Variants in TLN2 observed in about 807,000 individuals in gnomAD.
TLN2 encodes talin-2.
Under a neutral mutation model 294.7 loss-of-function variants are expected in TLN2, and 118 were observed. The ratio of observed to expected loss-of-function variants is 0.40; its 90% confidence interval spans 0.34 to 0.47. TLN2 has a LOEUF of 0.47. Among genes scored for constraint, TLN2 ranks in the 20% least tolerant of loss-of-function variants. The pLI is 0.84. For missense variants in TLN2, 3,083 were observed against 3,282.2 expected (o/e 0.94, Z 1.48); for synonymous variants, 1,431 against 1,304.5 (o/e 1.10, Z -2.09).
chr15:62,516,785 G>A (rs748787277), intron 1 of TLN2, among the ~76,000 whole-genome samples: 2 of 152,170 alleles, frequency 1.3e-5, no homozygotes, highest in Non-Finnish European at 1.5e-5. Context: ...GCTTTGCCTC[G>A]TATCATTTTG....
intron 1 of TLN2, among the ~76,000 whole-genome samples, chr15:62,426,857 C>T (rs1442293822): frequency 6.6e-6 from 1 of 152,164 alleles, no homozygotes; most frequent in African/African-American, 2.4e-5. Context: ...CTGGGAGCAG[C>T]TGTGTCAGAA....
chr15:62,619,359 C>A (rs1263194338), intron 3 of TLN2, among the ~76,000 whole-genome samples: 1 of 152,176 alleles, frequency 6.6e-6, no homozygotes, highest in Non-Finnish European at 1.5e-5. Flanking sequence ...GAGGAGCTGG[C>A]CCACATGCTC....
intron 1 of TLN2, among the ~76,000 whole-genome samples, chr15:62,569,713 G>A (rs1044927550): frequency 2.0e-5 from 3 of 152,356 alleles, no homozygotes; most frequent in East Asian, 1.9e-4. Context: ...AACAGAAGTT[G>A]GGTAGCACGT....
chr15:62,834,699 A>G (rs1227364207), intron 55 of TLN2: 5 of 152,210 alleles, frequency 3.3e-5, no homozygotes, highest in African/African-American at 1.2e-4. Flanking sequence ...AGCCAGCGGA[A>G]TGCCAACCTT....
intron 28 of TLN2, among the ~76,000 whole-genome samples, chr15:62,729,385 A>G (rs142313787): frequency 6.6e-6 from 1 of 152,232 alleles, no homozygotes; most frequent in Non-Finnish European, 1.5e-5. Context: ...ATAATAATAA[A>G]AAATACTGTT....
At chr15:62,692,631 C>A (rs1256392789) in intron 12 of TLN2, among the ~76,000 whole-genome samples, 4 of 152,100 alleles carry the variant, frequency 2.6e-5, no homozygotes, top group African/African-American at 7.2e-5. Flanking sequence ...AAGTTCTGAG[C>A]CCCCCAGCCA....
chr15:62,744,404 A>ATTTTTTTTTTTTTTT (rs71131126), intron 32 of TLN2, among the ~76,000 whole-genome samples: 1 of 125,058 alleles, frequency 8.0e-6, no homozygotes, highest in Non-Finnish European at 1.7e-5. Context: ...GTTATTTTTA[A>ATTTTTTTTTTTTTTT]TTTTTTTTTT....
chr15:62,541,254 G>A (rs2041666997), intron 1 of TLN2, among the ~76,000 whole-genome samples: 3 of 152,028 alleles, frequency 2.0e-5, no homozygotes, highest in South Asian at 2.1e-4. Flanking sequence ...GAATAATAGC[G>A]TCATGGATTT....
At chr15:62,572,187 G>T (rs1478794989) in intron 1 of TLN2, among the ~76,000 whole-genome samples, 1 of 152,048 alleles carries the variant, frequency 6.6e-6, no homozygotes, top group Non-Finnish European at 1.5e-5. Context: ...TTGCTTGACA[G>T]TTCCTCCCCC....
intron 57 of TLN2, among the ~76,000 whole-genome samples, chr15:62,838,322 C>G (rs994851492): frequency 2.0e-5 from 3 of 152,230 alleles, no homozygotes; most frequent in Non-Finnish European, 4.4e-5. Flanking sequence ...CTTCAAGTTG[C>G]TGACTGTCCA....
rs2070693023 is a variant in TLN2 at position 62,841,461 on chromosome 15, G to C, written c.*851G>C. The stretch of plus-strand genomic sequence containing the variant: ...AGCGTCCAGGGTGGGGATTCTGCTG[G>C]AATAAAGAGCTTCCTCAGTGACTCA... On this transcript the variant is annotated 3_prime_UTR_variant, in exon 59 of 59. Transcript: ENST00000636159. 6.6e-6 allele frequency: 1 copy of C among 152,134 alleles called. No individual in the cohort carries two copies. Among genetic ancestry groups the C allele is most frequent in the Non-Finnish European group, 1.5e-5 (1 of 68,044 alleles). The allele number at this position is 152,134 out of a possible 1,614,324, so 9.4% of individuals were successfully genotyped here.
At chr15:62,780,148 TTCA>T in intron 43 of TLN2, among the ~76,000 whole-genome samples, 1 of 152,360 alleles carries the variant, frequency 6.6e-6, no homozygotes, top group South Asian at 2.1e-4. Context: ...CCCCCTCCTG[TTCA>T]GGTCAGGATG....
At chr15:62,495,071 C>A (rs2038949842) in intron 1 of TLN2, among the ~76,000 whole-genome samples, 1 of 152,212 alleles carries the variant, frequency 6.6e-6, no homozygotes, top group Non-Finnish European at 1.5e-5. Context: ...ACCCTGGGCC[C>A]CTGAGCCTAG....
chr15:62,702,191 T>C lies in TLN2; in HGVS notation c.1896T>C (p.Thr632=). The C allele has an allele frequency of 6.3e-7, 1 of 1,596,094 alleles. No individual in the cohort carries two copies. The stretch of plus-strand genomic sequence containing the variant: ...ACTTGCTGAAAGCTGTGCAGCCTAC[T>C]TCTGGAGAGGTAAGCTCCAGAGGCA... The part of the protein sequence containing the change: ...VSDLLKAVQP[T]SGEPRQTVLT... Residue 632 remains threonine, a synonymous_variant, in exon 18 of 59, where the codon ACT becomes ACC. Transcript: ENST00000636159.
At chr15:62,689,039 TTC>T (rs1392432362) in intron 12 of TLN2, among the ~76,000 whole-genome samples, 1 of 151,918 alleles carries the variant, frequency 6.6e-6, no homozygotes, top group Non-Finnish European at 1.5e-5. Flanking sequence ...TTTGTAGTTT[TTC>T]TGTTTGTCCA....
At chr15:62,578,405 A>G (rs1203185807) in intron 1 of TLN2, among the ~76,000 whole-genome samples, 4 of 152,044 alleles carry the variant, frequency 2.6e-5, no homozygotes, top group East Asian at 1.9e-4. Flanking sequence ...CGTCTCTACT[A>G]AAAATACAAA....
chr15:62,504,686 C>T (rs1162498926), intron 1 of TLN2, among the ~76,000 whole-genome samples: 1 of 152,126 alleles, frequency 6.6e-6, no homozygotes, highest in Non-Finnish European at 1.5e-5. Flanking sequence ...TGAAATGGAT[C>T]GTAGACTTTA....
intron 2 of TLN2, among the ~76,000 whole-genome samples, chr15:62,597,948 G>A (rs1222310824): frequency 6.6e-6 from 1 of 152,222 alleles, no homozygotes; most frequent in Non-Finnish European, 1.5e-5. Context: ...GCAACACTCA[G>A]AAAGTTTCAG....
chr15:62,686,695 G>C lies in TLN2; in HGVS notation c.1012G>C (p.Asp338His). The C allele has an allele frequency of 6.2e-7, 1 of 1,614,078 alleles. No homozygotes were observed. Among genetic ancestry groups the C allele is most frequent in the South Asian group, 1.1e-5 (1 of 91,068 alleles). The change falls in exon 12 of 59, where the codon GAC becomes CAC. Residue 338 changes from aspartate (D) to histidine (H), a missense_variant. Physicochemically the swap from Asp to His is moderately conservative, Grantham distance 81. Coordinates refer to ENST00000636159, the MANE Select transcript of TLN2 (RefSeq NM_015059.3). ...LVPRLLGITK[D>H]SVMRVDEKTK... Reference sequence around the variant, plus strand: ...GCCTCGCCTGCTGGGGATCACCAAAGACTCGGTGATGCGCGTGGATGAGAA... The same window carrying C: ...GCCTCGCCTGCTGGGGATCACCAAACACTCGGTGATGCGCGTGGATGAGAA...
Sources: allele counts gnomAD v4.1 joint callset (sites outside exome capture counted in the v4.1 genomes callset), GRCh38; gene constraint gnomAD v4.1.1; transcripts MANE v1.5; gene names NCBI Gene and HGNC (gene_info 2026-07-23, HGNC 2026-07-21).